Variants in FGGY observed in about 807,000 individuals in gnomAD.
The protein encoded by FGGY is FGGY carbohydrate kinase domain-containing protein.
A neutral mutation model predicts 71.3 loss-of-function variants in FGGY; 72 were observed. That is an observed-to-expected ratio of 1.01 (90% CI 0.84 to 1.23). The LOEUF is 1.23. Among genes scored for constraint, FGGY ranks in the 50% most tolerant of loss-of-function variants. The pLI is 0.00. For missense variants in FGGY, 668 were observed against 682.3 expected (o/e 0.98, Z 0.23); for synonymous variants, 251 against 250.3 (o/e 1.00, Z -0.02).
chr1:59,422,446 C>A (rs981551638), intron 5 of FGGY, among the ~76,000 whole-genome samples: 4 of 152,112 alleles, frequency 2.6e-5, no homozygotes, highest in African/African-American at 9.7e-5. Context: ...GTAGTCCCAG[C>A]AACTTTGGGA....
intron 5 of FGGY, among the ~76,000 whole-genome samples, chr1:59,396,968 G>A (rs1484472208): frequency 6.6e-6 from 1 of 151,308 alleles, no homozygotes; most frequent in African/African-American, 2.4e-5. Context: ...TCCAAGGATC[G>A]AAATTCTGGG....
At chr1:59,542,709 GC>G (rs981560044) in intron 7 of FGGY, among the ~76,000 whole-genome samples, 2 of 152,048 alleles carry the variant, frequency 1.3e-5, no homozygotes, top group African/African-American at 4.8e-5. Flanking sequence ...GCCTGCCTTG[GC>G]CTCCCAAAGT....
chr1:59,638,799 T>C lies in FGGY; in HGVS notation c.1221+424T>C, dbSNP rs74086255. ...AGGCTCTGAGTCAGGGCTGTTCAGA[T>C]TCTACACTAATATAGTTAGGATTTC... On this transcript the variant is annotated intron_variant, in intron 11 of 15. Transcript: ENST00000303721. Among the ~76,000 whole-genome samples the C allele has an allele frequency of 3.6e-3, 541 of 152,334 alleles. 4 individuals are homozygous for C. Among genetic ancestry groups the C allele is most frequent in the African/African-American group, 0.012 (517 of 41,568 alleles).
At position 59,660,267 on chromosome 1, in the gene FGGY, T is replaced by C. The variant is rs755428706; in HGVS notation, c.1270T>C (p.Tyr424His). ...GGACCTTGATGATCTTGCCATTCTC[T>C]ACCTGGCCACAGTTCAAGCCATTGC... is the stretch of plus-strand genomic sequence containing the variant. ...SQDLDDLAIL[Y>H]LATVQAIALG... The change falls in exon 12 of 16, where the codon TAC (tyrosine) becomes CAC (histidine). Residue 424 changes from tyrosine (Y) to histidine (H), a missense_variant. Physicochemically the swap from Tyr to His is moderately conservative, Grantham distance 83. Transcript: ENST00000303721. 2.0e-5 allele frequency: 32 copies of C among 1,613,326 alleles called. No homozygotes were observed. The highest frequency in any genetic ancestry group is 2.5e-5 in the Non-Finnish European group (29 of 1,179,988).
chr1:59,744,367 C>T (rs1409808418), intron 14 of FGGY, among the ~76,000 whole-genome samples: 2 of 152,216 alleles, frequency 1.3e-5, no homozygotes, highest in African/African-American at 4.8e-5. Flanking sequence ...ATTACAGGCA[C>T]CTGCCACCAC....
chr1:59,309,516 A>G (rs1479931626), intron 1 of FGGY, among the ~76,000 whole-genome samples: 1 of 152,188 alleles, frequency 6.6e-6, no homozygotes, highest in Non-Finnish European at 1.5e-5. Context: ...TTTTGGGTCA[A>G]ATAAAGATAT....
chr1:59,324,270 T>A (rs939569328), intron 2 of FGGY, among the ~76,000 whole-genome samples: 1 of 119,308 alleles, frequency 8.4e-6, no homozygotes, highest in Non-Finnish European at 1.7e-5. Flanking sequence ...TAACTACTTT[T>A]TTTTTTTTTT....
chr1:59,409,918 C>T (rs1434228045), intron 5 of FGGY, among the ~76,000 whole-genome samples: 1 of 152,122 alleles, frequency 6.6e-6, no homozygotes, highest in East Asian at 1.9e-4. Flanking sequence ...GTATTACCTC[C>T]ATTTTAGACA....
intron 8 of FGGY, among the ~76,000 whole-genome samples, chr1:59,598,813 T>C (rs942191069): frequency 5.3e-5 from 8 of 152,246 alleles, no homozygotes. Context: ...TTAATGTTAG[T>C]GTCATTGTCC....
At chr1:59,686,947 A>C (rs559505228) in intron 14 of FGGY, among the ~76,000 whole-genome samples, 1 of 152,386 alleles carries the variant, frequency 6.6e-6, no homozygotes, top group East Asian at 1.9e-4. Context: ...AGAGGTATAC[A>C]AAATTATAGC....
In FGGY at chr1:59,512,380, G is replaced by C. The variant is rs369812226; in HGVS notation, c.740G>C (p.Gly247Ala). 1 of 1,613,816 alleles carries C rather than the reference G, an allele frequency of 6.2e-7. No individual in the cohort carries two copies. Among genetic ancestry groups the C allele is most frequent in the Non-Finnish European group, 8.5e-7 (1 of 1,179,822 alleles). Residue 247 changes from glycine to alanine, a missense_variant, in exon 7 of 16, where the codon GGC becomes GCC. Gly to Ala is a moderately conservative substitution (Grantham distance 60, BLOSUM62 0). Transcript: ENST00000303721. ...GLTPEAARDL[G>A]LLPGIAVAAS... Reference sequence around the variant, plus strand: ...ACACCAGAGGCAGCAAGAGACCTTGGCCTTCTCCCTGGGATTGCGGTCGCA... The same window carrying C: ...ACACCAGAGGCAGCAAGAGACCTTGCCCTTCTCCCTGGGATTGCGGTCGCA...
At chr1:59,562,914 A>G (rs536286718) in intron 8 of FGGY, among the ~76,000 whole-genome samples, 2 of 152,342 alleles carry the variant, frequency 1.3e-5, no homozygotes, top group South Asian at 4.1e-4. Flanking sequence ...TAGCTCAATA[A>G]TGCTTTTTAA....
chr1:59,584,257 G>A (rs1312070483), intron 8 of FGGY, among the ~76,000 whole-genome samples: 2 of 149,718 alleles, frequency 1.3e-5, no homozygotes, highest in Admixed American at 6.6e-5. Context: ...GAACATCGAT[G>A]CAAAAATCCT....
intron 14 of FGGY, among the ~76,000 whole-genome samples, chr1:59,717,287 A>G (rs926970631): frequency 3.3e-5 from 5 of 152,132 alleles, no homozygotes. Flanking sequence ...CCCATTTAAT[A>G]TAATCATAGG....
At chr1:59,702,513 T>C (rs1271957242) in intron 14 of FGGY, among the ~76,000 whole-genome samples, 1 of 152,146 alleles carries the variant, frequency 6.6e-6, no homozygotes, top group Non-Finnish European at 1.5e-5. Flanking sequence ...GAACATTGCT[T>C]AGATGAGAAC....
chr1:59,335,975 C>G, intron 2 of FGGY, among the ~76,000 whole-genome samples: 1 of 151,856 alleles, frequency 6.6e-6, no homozygotes, highest in East Asian at 1.9e-4. Flanking sequence ...CTAATTGTTT[C>G]TTTTGAAGAA....
At chr1:59,541,230 T>C (rs1027458862) in intron 7 of FGGY, among the ~76,000 whole-genome samples, 3 of 152,216 alleles carry the variant, frequency 2.0e-5, no homozygotes, top group African/African-American at 4.8e-5. Flanking sequence ...TGAGCCTCTT[T>C]CATCTCTGCC....
At chr1:59,567,926 C>T (rs1329138035) in intron 8 of FGGY, among the ~76,000 whole-genome samples, 2 of 150,978 alleles carry the variant, frequency 1.3e-5, no homozygotes, top group African/African-American at 4.9e-5. Context: ...ACCTCTGATA[C>T]CATTCCGTGC....
chr1:59,411,732 CCATTAGTAT>C (rs2063629900), intron 5 of FGGY, among the ~76,000 whole-genome samples: 1 of 152,122 alleles, frequency 6.6e-6, no homozygotes, highest in South Asian at 2.1e-4. Context: ...GGATTATAAT[CCATTAGTAT>C]CATTATTTTG....
Sources: gnomAD v4.1 joint callset for allele counts (sites outside exome capture counted in the v4.1 genomes callset) on GRCh38, gnomAD v4.1.1 for gene constraint, MANE v1.5 for transcripts, NCBI Gene and HGNC (gene_info 2026-07-23, HGNC 2026-07-21) for gene names.